THRB: variants seen among roughly 807,000 people sequenced by gnomAD.
The protein encoded by THRB is thyroid hormone receptor beta, also known as nuclear receptor subfamily 1 group A member 2.
In THRB, 12 loss-of-function variants were observed where a neutral mutation model predicts 47.8. That is an observed-to-expected ratio of 0.25 (90% CI 0.16 to 0.41). The LOEUF is 0.41. Among genes scored for constraint, THRB ranks in the 10% least tolerant of loss-of-function variants. The probability of loss-of-function intolerance (pLI) is 1.00; values close to 1 mark genes in which losing one functional copy is unlikely to be tolerated. For missense variants in THRB, 348 were observed against 589.2 expected, an observed-to-expected ratio of 0.59 and a Z score of 4.24; for synonymous variants, 218 against 212.2, an observed-to-expected ratio of 1.03 and a Z score of -0.24.
At chr3:24,290,175 AG>A (rs1393179452) in intron 3 of THRB, among the ~76,000 whole-genome samples, 1 of 152,214 alleles carries the variant, frequency 6.6e-6, no homozygotes, top group Non-Finnish European at 1.5e-5. Context: ...AAACACTAGC[AG>A]AAAGAAAAAT....
intron 3 of THRB, among the ~76,000 whole-genome samples, chr3:24,249,908 C>G (rs2050490082): frequency 6.6e-6 from 1 of 152,198 alleles, no homozygotes; most frequent in Non-Finnish European, 1.5e-5. Context: ...AGTATTTCCA[C>G]ATGGCACCAT....
chr3:24,396,155 A>G (rs1211975274), intron 1 of THRB, among the ~76,000 whole-genome samples: 1 of 149,952 alleles, frequency 6.7e-6, no homozygotes, highest in East Asian at 1.9e-4. Context: ...CACAAGGCAT[A>G]TATATATATA....
intron 4 of THRB, among the ~76,000 whole-genome samples, chr3:24,213,315 A>T (rs7644151): frequency 0.095 from 14,427 of 152,156 alleles, 1,872 homozygotes; most frequent in African/African-American, 0.3. Flanking sequence ...TTGAGAAGGG[A>T]TGGGGCTTGA....
chr3:24,369,264 T>G (rs1330593671), intron 1 of THRB, among the ~76,000 whole-genome samples: 2 of 152,118 alleles, frequency 1.3e-5, no homozygotes, highest in Non-Finnish European at 2.9e-5. Context: ...ATGAAACATA[T>G]GGCACACACT....
chr3:24,278,273 G>A (rs535014042), intron 3 of THRB, among the ~76,000 whole-genome samples: 175 of 152,228 alleles, frequency 1.1e-3, no homozygotes, highest in African/African-American at 4.1e-3. Flanking sequence ...TTTCAGGACT[G>A]GCAGAAGCAG....
chr3:24,365,246 C>A (rs919128678), intron 1 of THRB, among the ~76,000 whole-genome samples: 1 of 152,090 alleles, frequency 6.6e-6, no homozygotes, highest in African/African-American at 2.4e-5. Context: ...AGTTTACCCC[C>A]CTACCAACTT....
At chr3:24,416,211 T>C (rs2068720087) in intron 1 of THRB, among the ~76,000 whole-genome samples, 1 of 151,778 alleles carries the variant, frequency 6.6e-6, no homozygotes. Flanking sequence ...AAGGAGTAGA[T>C]ACAACAAAAG....
chr3:24,462,480 C>T (rs765966786), intron 1 of THRB, among the ~76,000 whole-genome samples: 1 of 152,168 alleles, frequency 6.6e-6, no homozygotes, highest in Non-Finnish European at 1.5e-5. Context: ...TAACGTATTG[C>T]CGAGGTCATA....
intron 2 of THRB, among the ~76,000 whole-genome samples, chr3:24,297,636 T>C (rs1198525862): frequency 6.6e-6 from 1 of 152,254 alleles, no homozygotes; most frequent in Non-Finnish European, 1.5e-5. Context: ...GGCAGTTAAA[T>C]GATGTGAGGT....
intron 3 of THRB, 51 bp from the exon 4 acceptor site, chr3:24,229,052 A>G: frequency 8.9e-7 from 1 of 1,122,608 alleles, no homozygotes; most frequent in Admixed American, 1.8e-5. Context: ...TGCATTTTCC[A>G]TAATGGTTTT....
chr3:24,346,839 A>G (rs1403336521), intron 1 of THRB, among the ~76,000 whole-genome samples: 1 of 152,032 alleles, frequency 6.6e-6, no homozygotes, highest in African/African-American at 2.4e-5. Context: ...GGGAGGGTTT[A>G]ATACACCTCT....
chr3:24,364,642 A>G (rs2064323987), intron 1 of THRB, among the ~76,000 whole-genome samples: 1 of 152,156 alleles, frequency 6.6e-6, no homozygotes, highest in Non-Finnish European at 1.5e-5. Context: ...CTGCTTCATC[A>G]TCCATGTACA....
chr3:24,140,397 A>G lies in THRB; in HGVS notation c.738+3104T>C, dbSNP rs72619918. Among the ~76,000 whole-genome samples the G allele has an allele frequency of 2.9e-3, 441 of 152,246 alleles. 7 individuals carry two copies. The South Asian group carries it at 0.048, about 16-fold the overall frequency. ...TGGCACAGCTAGGGGGCCCTCATAC[A>G]GCTGCCATCAAATGGCAGTAGAGGC... On this transcript the variant is annotated intron_variant, in intron 8 of 10. Coordinates refer to ENST00000646209, the MANE Select transcript of THRB (RefSeq NM_001354712.2).
intron 5 of THRB, among the ~76,000 whole-genome samples, chr3:24,160,621 T>A (rs2038666548): frequency 2.0e-5 from 3 of 152,074 alleles, no homozygotes. Flanking sequence ...GCATTCCCAA[T>A]GCTCTGGAAA....
intron 4 of THRB, among the ~76,000 whole-genome samples, chr3:24,227,967 T>C (rs910310486): frequency 6.6e-6 from 1 of 152,186 alleles, no homozygotes; most frequent in Non-Finnish European, 1.5e-5. Context: ...CATAAGTCTA[T>C]AAAATTTTTA....
chr3:24,434,669 T>A (rs2070761058), intron 1 of THRB, among the ~76,000 whole-genome samples: 1 of 152,150 alleles, frequency 6.6e-6, no homozygotes, highest in African/African-American at 2.4e-5. Flanking sequence ...TACTTCAATA[T>A]GAAGCAACCC....
At position 24,252,450 on chromosome 3, in the gene THRB, T is replaced by C. The variant is rs138161555; in HGVS notation, c.-42-23449A>G. Reference sequence around the variant, plus strand: ...GAATCTATAACTCATACCTTATGCCTGGTTAAATACCAAGTATATGAAAAA... The same window carrying C: ...GAATCTATAACTCATACCTTATGCCCGGTTAAATACCAAGTATATGAAAAA... On this transcript the variant is annotated intron_variant, in intron 3 of 10. Coordinates refer to ENST00000646209, the MANE Select transcript of THRB (RefSeq NM_001354712.2). Among the ~76,000 whole-genome samples, 425 of 152,176 alleles carry C rather than the reference T, an allele frequency of 2.8e-3. 10 individuals are homozygous for C. Among genetic ancestry groups the C allele is most frequent in the East Asian group, 0.025 (132 of 5,186 alleles).
At chr3:24,254,168 C>G (rs531005946) in intron 3 of THRB, among the ~76,000 whole-genome samples, 62 of 127,026 alleles carry the variant, frequency 4.9e-4, no homozygotes, top group African/African-American at 1.8e-3. Flanking sequence ...TCGAGACCAT[C>G]CTGGCTAACA....
At chr3:24,152,555 C>T in intron 5 of THRB, 65 bp from the exon 6 acceptor site, 2 of 894,436 alleles carry the variant, frequency 2.2e-6, no homozygotes, top group Non-Finnish European at 3.7e-6. Flanking sequence ...GACACTATAG[C>T]TAAGGTTGCT....
Sources: gnomAD v4.1 joint callset for allele counts (sites outside exome capture counted in the v4.1 genomes callset) on GRCh38, gnomAD v4.1.1 for gene constraint, MANE v1.5 for transcripts, NCBI Gene and HGNC (gene_info 2026-07-23, HGNC 2026-07-21) for gene names.